MCM9: variants seen among roughly 807,000 people sequenced by gnomAD.
MCM9 encodes the protein DNA helicase MCM9.
A neutral mutation model predicts 72.8 loss-of-function variants in MCM9; 55 were observed. That is an observed-to-expected ratio of 0.76 (90% confidence interval 0.61 to 0.95). The LOEUF (loss-of-function observed/expected upper bound fraction) is 0.95, where lower values mean the gene tolerates loss of function less well. Among genes scored for constraint, MCM9 ranks in the 40% least tolerant of loss-of-function variants. The probability of loss-of-function intolerance (pLI) is 0.00; values close to 1 mark genes in which losing one functional copy is unlikely to be tolerated. For missense variants in MCM9, 1,279 were observed against 1,377.0 expected, an observed-to-expected ratio of 0.93 and a Z score of 1.13; for synonymous variants, 480 against 503.4, an observed-to-expected ratio of 0.95 and a Z score of 0.62.
At chr6:118,862,111 T>C (rs766163302) in intron 8 of MCM9, among the ~76,000 whole-genome samples, 9 of 151,994 alleles carry the variant, frequency 5.9e-5, no homozygotes, top group Non-Finnish European at 1.2e-4. Flanking sequence ...GAAATTGGAG[T>C]GACAGTCAGG....
intron 9 of MCM9, among the ~76,000 whole-genome samples, chr6:118,843,011 T>C (rs917377474): frequency 3.3e-5 from 5 of 152,216 alleles, no homozygotes; most frequent in Admixed American, 1.3e-4. Context: ...AGAAGACCTA[T>C]ATTTTGGTTA....
chr6:118,933,442 C>T (rs1390597181), intron 1 of MCM9, among the ~76,000 whole-genome samples: 1 of 151,246 alleles, frequency 6.6e-6, no homozygotes, highest in South Asian at 2.1e-4. Flanking sequence ...GGAGGCGGAG[C>T]TTGCAGTGAG....
chr6:118,923,373 C>T (rs1781597227), intron 4 of MCM9, among the ~76,000 whole-genome samples: 1 of 151,764 alleles, frequency 6.6e-6, no homozygotes, highest in Non-Finnish European at 1.5e-5. Context: ...CCACCCAGAA[C>T]TCCTTGGTTC....
intron 8 of MCM9, among the ~76,000 whole-genome samples, chr6:118,883,581 T>C (rs1018458181): frequency 1.3e-5 from 2 of 151,696 alleles, no homozygotes; most frequent in African/African-American, 4.8e-5. Flanking sequence ...AAATTTTAAA[T>C]CAATAAGAGA....
Position 118,923,818 on chromosome 6 carries a change from T to G in MCM9, c.614A>C (p.Gln205Pro). Residue 205 changes from glutamine to proline, a missense_variant, in exon 4 of 14, where the codon CAG (glutamine) becomes CCG (proline). Coordinates refer to ENST00000619706, the MANE Select transcript of MCM9 (RefSeq NM_017696.3). Reference protein sequence around the residue: ...RCRDYQEIKIQEQVQRLSVGS... With the variant: ...RCRDYQEIKIPEQVQRLSVGS... ...GTTTATGTGATTATTTACCTGTTCC[T>G]GAATTTTGATTTCCTGGTAATCTCT... is the stretch of plus-strand genomic sequence containing the variant. The G allele has an allele frequency of 4.3e-6, 7 of 1,612,300 alleles. No individual in the cohort carries two copies. Among genetic ancestry groups the G allele is most frequent in the Non-Finnish European group, 5.9e-6 (7 of 1,178,516 alleles).
At chr6:118,906,176 G>A (rs895615725) in intron 8 of MCM9, among the ~76,000 whole-genome samples, 6 of 152,116 alleles carry the variant, frequency 3.9e-5, no homozygotes, top group South Asian at 2.1e-4. Flanking sequence ...AGGTTCAAGC[G>A]ATTCTCCTGT....
rs1265024302 is a variant in MCM9 at position 118,917,598 on chromosome 6, T to A, written c.867A>T (p.Glu289Asp). Residue 289 changes from glutamate to aspartate, a missense_variant, in exon 6 of 14, where the codon GAA (glutamate) becomes GAT (aspartate). Glu to Asp is a conservative substitution (Grantham distance 45, BLOSUM62 2). Transcript: ENST00000619706. Reference protein sequence around the residue: ...IMDEEVQKEFEDFWEYYKSDP... With the variant: ...IMDEEVQKEFDDFWEYYKSDP... ...CGCTCTTATAGTATTCCCAAAAATC[T>A]TCGAATTCCTTTTGGACCTCCTCAT... 6.2e-7 allele frequency: 1 copy of A among 1,614,068 alleles called. No individual in the cohort carries two copies.
chr6:118,907,122 T>C (rs1207458584), intron 8 of MCM9, among the ~76,000 whole-genome samples: 1 of 152,212 alleles, frequency 6.6e-6, no homozygotes, highest in African/African-American at 2.4e-5. Context: ...TTCTTTCTTT[T>C]AGAAAACAGA....
At chr6:118,913,794 G>C (rs753025549) in intron 6 of MCM9, among the ~76,000 whole-genome samples, 2 of 151,924 alleles carry the variant, frequency 1.3e-5, no homozygotes, top group African/African-American at 2.4e-5. Context: ...GGAGCAACGT[G>C]GTCTCACTAT....
At chr6:118,908,617 A>C (rs1467030538) in intron 8 of MCM9, 1 of 152,178 alleles carries the variant, frequency 6.6e-6, no homozygotes, top group Non-Finnish European at 1.5e-5. Context: ...GAATGAGATC[A>C]GGCATATTTG....
At chr6:118,889,932 C>T (rs765128937) in intron 8 of MCM9, among the ~76,000 whole-genome samples, 3 of 152,122 alleles carry the variant, frequency 2.0e-5, no homozygotes, top group African/African-American at 2.4e-5. Flanking sequence ...TTATTAATGA[C>T]GTGGAGCAGA....
Position 118,815,394 on chromosome 6 carries a change from T to A in MCM9, c.2862A>T (p.Lys954Asn), listed in dbSNP as rs754931734. 5.8e-6 allele frequency: 9 copies of A among 1,550,512 alleles called. No homozygotes were observed. The South Asian group carries it at 1.1e-4, about 18-fold the overall frequency. ...GATKIAVHSP[K>N]ISQRRTRRDA... ...CTCTTCTTGTTCTACGCTGGGAAAT[T>A]TTAGGACTATGAACTGCTATTTTAG... Residue 954 changes from lysine (K) to asparagine (N), a missense_variant, in exon 14 of 14, where the codon AAA becomes AAT. Physicochemically the swap from Lys to Asn is moderately conservative, Grantham distance 94. Transcript: ENST00000619706.
In MCM9 at chr6:118,883,640, C is replaced by G. The variant is rs181029147; in HGVS notation, c.1151-27095G>C. On this transcript the variant is annotated intron_variant, in intron 8 of 13. Coordinates refer to ENST00000619706, the MANE Select transcript of MCM9 (RefSeq NM_017696.3). ...CCACAATAAAATTAAGAGCTGACTTCTAATCAGAAACAGTGGAGGCCAGAG... is the reference window on the plus strand; with the variant it reads ...CCACAATAAAATTAAGAGCTGACTTGTAATCAGAAACAGTGGAGGCCAGAG... Among the ~76,000 whole-genome samples, 13 of 151,880 alleles carry G rather than the reference C, an allele frequency of 8.6e-5. No homozygotes were observed. The East Asian group carries it at 2.1e-3, about 25-fold the overall frequency.
chr6:118,930,103 A>ATTTAAT lies in MCM9; in HGVS notation c.304+1316_304+1317insATTAAA, dbSNP rs1554262677. The stretch of plus-strand genomic sequence containing the variant: ...AAGGTAAATATTTATTTATTTATTT[A>ATTTAAT]TTTATTTTATTTTATTTTATTTTTT... On this transcript the variant is annotated intron_variant, in intron 3 of 13. Coordinates refer to ENST00000619706, the MANE Select transcript of MCM9 (RefSeq NM_017696.3). 4.1e-5 allele frequency among the ~76,000 whole-genome samples: 6 copies of ATTTAAT among 145,806 alleles called. No homozygotes were observed. The East Asian group carries it at 1.2e-3, about 29-fold the overall frequency.
At position 118,815,073 on chromosome 6, in the gene MCM9, G is replaced by C; in HGVS notation, c.3183C>G (p.Phe1061Leu). The C allele has an allele frequency of 6.4e-7, 1 of 1,550,796 alleles. No homozygotes were observed. The highest frequency in any genetic ancestry group is 8.7e-7 in the Non-Finnish European group (1 of 1,146,998). ...HACTLARLAN[F>L]CFTPPSESKS... ...TGGATTCCGATGGGGGAGTAAAGCA[G>C]AAGTTTGCCAATCTGGCTAATGTGC... Residue 1061 changes from phenylalanine (F) to leucine (L), a missense_variant, in exon 14 of 14, where the codon TTC becomes TTG. By Grantham distance (22) the Phe-to-Leu change is conservative. Transcript: ENST00000619706.
At chr6:118,842,827 T>C (rs1775467116) in intron 9 of MCM9, among the ~76,000 whole-genome samples, 1 of 152,116 alleles carries the variant, frequency 6.6e-6, no homozygotes, top group Non-Finnish European at 1.5e-5. Flanking sequence ...GCCCCCTTTT[T>C]TAAAAAAAAC....
intron 8 of MCM9, among the ~76,000 whole-genome samples, chr6:118,896,898 T>C (rs1284830883): frequency 1.3e-5 from 2 of 152,122 alleles, no homozygotes; most frequent in African/African-American, 4.8e-5. Flanking sequence ...AGTACAGTGG[T>C]GCAAACACAG....
intron 8 of MCM9, among the ~76,000 whole-genome samples, chr6:118,905,381 C>G (rs1780109838): frequency 6.6e-6 from 1 of 152,176 alleles, no homozygotes; most frequent in African/African-American, 2.4e-5. Flanking sequence ...TCATGAACCA[C>G]CATGCAGTGT....
chr6:118,894,338 TC>T, intron 8 of MCM9: 1 of 1,530,852 alleles, frequency 6.5e-7, no homozygotes, highest in Non-Finnish European at 8.8e-7. Context: ...GTCTGCGCTC[TC>T]CCGAGCGGCC....
Sources: gnomAD v4.1 joint callset for allele counts (sites outside exome capture counted in the v4.1 genomes callset) on GRCh38, gnomAD v4.1.1 for gene constraint, MANE v1.5 for transcripts, NCBI Gene and HGNC (gene_info 2026-07-23, HGNC 2026-07-21) for gene names.